The following PSD3 variants were observed in gnomAD, a reference collection of about 807,000 sequenced individuals.
PSD3 encodes pleckstrin and Sec7 domain containing 3.
PSD3 carries 49 observed loss-of-function variants against 105.5 expected under a neutral mutation model. The ratio of observed to expected loss-of-function variants is 0.46; its 90% CI spans 0.37 to 0.59. The LOEUF (loss-of-function observed/expected upper bound fraction) is 0.59. Among genes scored for constraint, PSD3 ranks in the 20% least tolerant of loss-of-function variants. The probability of loss-of-function intolerance (pLI) is 0.00; values close to 1 mark genes in which losing one functional copy is unlikely to be tolerated. For missense variants in PSD3, 1,561 were observed against 1,263.8 expected (o/e 1.24, Z -3.57); for synonymous variants, 557 against 457.8 (o/e 1.22, Z -2.77).
chr8:18,609,683 C>T (rs552631099), intron 11 of PSD3, among the ~76,000 whole-genome samples: 8 of 152,190 alleles, frequency 5.3e-5, no homozygotes, highest in African/African-American at 1.2e-4. Context: ...ATACAACTCA[C>T]GCAGGGAGGA....
rs1802400195 is a variant in PSD3 at position 18,575,281 on chromosome 8, T to G, written c.2486A>C (p.Glu829Ala). ...AGACAAGGCCTTTTCTGGCTTGTAT[T>G]CATCCTATAGATGGACACAAAGAAA... ...KGTVLYLQKD[E>A]YKPEKALSEE... The change falls in exon 13 of 16, where the codon GAA (glutamate) becomes GCA (alanine). Residue 829 changes from glutamate to alanine, a missense_variant. Glu to Ala is a moderately radical substitution (Grantham distance 107). Coordinates refer to ENST00000327040, the MANE Select transcript of PSD3 (RefSeq NM_015310.4). The G allele has an allele frequency of 1.2e-6, 2 of 1,603,248 alleles. No homozygotes were observed. The highest frequency in any genetic ancestry group is 1.7e-6 in the Non-Finnish European group (2 of 1,174,738).
chr8:18,785,201 T>C (rs335242), intron 8 of PSD3, among the ~76,000 whole-genome samples: 4 of 152,174 alleles, frequency 2.6e-5, no homozygotes, highest in Non-Finnish European at 5.9e-5. Flanking sequence ...CTGGGGCTTA[T>C]ATTGATTGGA....
intron 12 of PSD3, among the ~76,000 whole-genome samples, chr8:18,587,383 C>G (rs552210582): frequency 1.3e-3 from 204 of 151,836 alleles, no homozygotes; most frequent in Non-Finnish European, 2.5e-3. Flanking sequence ...GTGATACCAT[C>G]TCTTTAATTT....
chr8:18,866,716 C>T (rs1023415144), intron 4 of PSD3, among the ~76,000 whole-genome samples: 3 of 151,932 alleles, frequency 2.0e-5, no homozygotes, highest in Non-Finnish European at 4.4e-5. Context: ...ATAGAAAATG[C>T]TCAGCACAGG....
Position 18,949,250 on chromosome 8 carries a change from T to TATATATATATATATATATATACAC in PSD3, c.22-13109_22-13108insGTGTATATATATATATATATATAT, listed in dbSNP as rs1563453763. Among the ~76,000 whole-genome samples, 36 of 51,712 alleles carry TATATATATATATATATATATACAC rather than the reference T, an allele frequency of 7.0e-4. 1 individual carries two copies. The highest frequency in any genetic ancestry group is 3.3e-3 in the African/African-American group (36 of 10,758). 33.9% of individuals were successfully genotyped at this position (51,712 alleles called of 152,430 possible). Reference sequence around the variant, plus strand: ...AAAAAAAAAAAAAAAAAAAAATATATATATATATATATATATATATATATA... The same window carrying TATATATATATATATATATATACAC: ...AAAAAAAAAAAAAAAAAAAAATATATATATATATATATATATATATACACATATATATATATATATATATATATA... On this transcript the variant is annotated intron_variant, in intron 1 of 15. Transcript: ENST00000327040.
At chr8:18,911,964 A>G (rs1297838792) in intron 2 of PSD3, among the ~76,000 whole-genome samples, 1 of 152,220 alleles carries the variant, frequency 6.6e-6, no homozygotes, top group Non-Finnish European at 1.5e-5. Context: ...ACAAACAGCC[A>G]AGTTAAGTGG....
At chr8:18,828,067 A>ATATATATT (rs371473289) in intron 4 of PSD3, among the ~76,000 whole-genome samples, 64 of 118,876 alleles carry the variant, frequency 5.4e-4, no homozygotes, top group African/African-American at 2.0e-3. Context: ...ATATATATAT[A>ATATATATT]TTTTTTTTTT....
At chr8:18,839,687 C>T (rs1302803585) in intron 4 of PSD3, among the ~76,000 whole-genome samples, 2 of 152,160 alleles carry the variant, frequency 1.3e-5, no homozygotes, top group African/African-American at 4.8e-5. Context: ...CACTCACCAC[C>T]AGCATCACCA....
At chr8:18,957,337 C>T (rs1823638650) in intron 1 of PSD3, among the ~76,000 whole-genome samples, 1 of 149,264 alleles carries the variant, frequency 6.7e-6, no homozygotes, top group Non-Finnish European at 1.5e-5. Context: ...CGTCACTGCA[C>T]TCTAGCCTGG....
chr8:19,015,903 T>G (rs1586631931), upstream of PSD3, among the ~76,000 whole-genome samples: 1 of 152,348 alleles, frequency 6.6e-6, no homozygotes. Flanking sequence ...CCAAAATATT[T>G]TAAGATTGTA....
At chr8:18,854,933 A>G (rs1815884337) in intron 4 of PSD3, among the ~76,000 whole-genome samples, 1 of 152,202 alleles carries the variant, frequency 6.6e-6, no homozygotes, top group African/African-American at 2.4e-5. Context: ...GTGGCCAGGC[A>G]ACACACACAG....
chr8:18,860,385 G>T (rs1185244790), intron 4 of PSD3, among the ~76,000 whole-genome samples: 6 of 151,748 alleles, frequency 4.0e-5, no homozygotes, highest in African/African-American at 1.5e-4. Flanking sequence ...GACAAAAAGT[G>T]AGCACCTGTT....
intron 9 of PSD3, among the ~76,000 whole-genome samples, chr8:18,665,905 G>T (rs546699472): frequency 3.9e-4 from 59 of 152,284 alleles, no homozygotes; most frequent in African/African-American, 1.3e-3. Context: ...TGCCTTTTCA[G>T]AAATTGCCAC....
chr8:19,073,086 G>A (rs1385017000), intron 1 of PSD3, among the ~76,000 whole-genome samples: 1 of 152,092 alleles, frequency 6.6e-6, no homozygotes, highest in Non-Finnish European at 1.5e-5. Context: ...TGCTATACTT[G>A]TAATTCATGA....
chr8:19,040,409 T>G (rs1828082612), intron 1 of PSD3, among the ~76,000 whole-genome samples: 1 of 152,138 alleles, frequency 6.6e-6, no homozygotes, highest in Non-Finnish European at 1.5e-5. Context: ...TCTTGCCATG[T>G]TGCCCAGGCT....
chr8:18,950,866 G>A (rs1349759525), intron 1 of PSD3, among the ~76,000 whole-genome samples: 3 of 152,094 alleles, frequency 2.0e-5, no homozygotes, highest in Non-Finnish European at 4.4e-5. Context: ...GAACTGTCCT[G>A]TGTCATGCAC....
chr8:18,628,232 C>T (rs75472413), intron 11 of PSD3, among the ~76,000 whole-genome samples: 2,407 of 151,522 alleles, frequency 0.016, 65 homozygotes, highest in African/African-American at 0.055. Context: ...TCCAAGAACC[C>T]CAATAAACAC....
At chr8:19,004,947 T>C (rs1826602574) in intron 1 of PSD3, among the ~76,000 whole-genome samples, 1 of 152,092 alleles carries the variant, frequency 6.6e-6, no homozygotes, top group Non-Finnish European at 1.5e-5. Context: ...CCCAGCCATG[T>C]GGAACTGTAA....
intron 2 of PSD3, chr8:18,887,167 G>A (rs1008739824): frequency 6.6e-6 from 1 of 152,138 alleles, no homozygotes; most frequent in African/African-American, 2.4e-5. Flanking sequence ...GGAAAGAGAT[G>A]GGTAGGTTCT....
Sources: gnomAD v4.1 joint callset for allele counts (sites outside exome capture counted in the v4.1 genomes callset) on GRCh38, gnomAD v4.1.1 for gene constraint, MANE v1.5 for transcripts, NCBI Gene and HGNC (gene_info 2026-07-23, HGNC 2026-07-21) for gene names.